Variants in GLB1L2 observed in about 807,000 individuals in gnomAD.
GLB1L2 encodes the protein galactosidase beta 1 like 2.
In GLB1L2, 68 loss-of-function variants were observed where a neutral mutation model predicts 84.1. The observed-to-expected ratio is 0.81, with a 90% CI of 0.67 to 0.99. GLB1L2 has a LOEUF of 0.99. Among genes scored for constraint, GLB1L2 ranks in the 50% least tolerant of loss-of-function variants. The probability of loss-of-function intolerance (pLI) is 0.00; values close to 1 mark genes in which losing one functional copy is unlikely to be tolerated. For synonymous variants in GLB1L2, 290 were observed against 318.0 expected (o/e 0.91, Z 0.94); for missense variants, 762 against 805.6 (o/e 0.95, Z 0.66).
Position 134,342,955 on chromosome 11 carries a change from G to C in GLB1L2, c.284+4G>C. On this transcript the variant is annotated splice_donor_region_variant and intron_variant, in intron 2 of 18. Coordinates refer to ENST00000535456, the MANE Select transcript of GLB1L2 (RefSeq NM_001370461.1). The stretch of plus-strand genomic sequence containing the variant: ...GTGGCTTGAACACCCTCACCACGTA[G>C]GTGCTGCCCCTGTCCCCCCGGAGCC... The C allele has an allele frequency of 6.2e-7, 1 of 1,605,626 alleles. No homozygotes were observed.
chr11:134,348,453 A>G (rs543395902), intron 5 of GLB1L2, among the ~76,000 whole-genome samples: 10 of 152,308 alleles, frequency 6.6e-5, no homozygotes, highest in Non-Finnish European at 1.2e-4. Flanking sequence ...GGGCAGCAGG[A>G]TGGCCGTCCT....
At chr11:134,348,827 C>A (rs1299715380) in intron 5 of GLB1L2, among the ~76,000 whole-genome samples, 2 of 152,080 alleles carry the variant, frequency 1.3e-5, no homozygotes, top group East Asian at 3.9e-4. Context: ...CTGGAAGGGC[C>A]CCCTTCCAGG....
rs367790049 is a variant in GLB1L2 at position 134,351,345 on chromosome 11, C to CTTTTTTTTTTTTT, written c.558+3917_558+3929dup. Among the ~76,000 whole-genome samples the CTTTTTTTTTTTTT allele has an allele frequency of 3.9e-5, 5 of 129,136 alleles. No homozygotes were observed. In the East Asian group the frequency reaches 9.4e-4, roughly 24 times the overall value. The allele number at this position is 129,136 out of a possible 152,430, so 84.7% of individuals were successfully genotyped here. ...TTACATTGATTGATTCTTTTTCTTT[C>CTTTTTTTTTTTTT]TTTTTTTTTTTTTTTTTGAGATGGT... is the stretch of plus-strand genomic sequence containing the variant. On this transcript the variant is annotated intron_variant, in intron 5 of 18. Transcript: ENST00000535456.
chr11:134,362,754 GC>G (rs1486831037), intron 7 of GLB1L2, among the ~76,000 whole-genome samples: 1 of 152,340 alleles, frequency 6.6e-6, no homozygotes, highest in South Asian at 2.1e-4. Context: ...AGGCAGGATG[GC>G]CCCCGAGGAG....
chr11:134,349,415 C>T (rs976725150), intron 5 of GLB1L2, among the ~76,000 whole-genome samples: 3 of 152,172 alleles, frequency 2.0e-5, no homozygotes, highest in Non-Finnish European at 4.4e-5. Context: ...TGTACAAATA[C>T]CTTTCTGAGC....
At chr11:134,358,225 G>A (rs1294837617) in intron 6 of GLB1L2, among the ~76,000 whole-genome samples, 1 of 152,230 alleles carries the variant, frequency 6.6e-6, no homozygotes, top group Non-Finnish European at 1.5e-5. Context: ...TGGGATTTTT[G>A]ATCCAAAAGA....
At chr11:134,354,258 T>C (rs1943673828) in intron 5 of GLB1L2, among the ~76,000 whole-genome samples, 1 of 152,012 alleles carries the variant, frequency 6.6e-6, no homozygotes, top group South Asian at 2.1e-4. Flanking sequence ...GATACCAACC[T>C]AACTTCAACT....
rs181802853 is a variant in GLB1L2, at chr11:134,363,324, G to A, written c.734-1004G>A. Among the ~76,000 whole-genome samples the A allele has an allele frequency of 3.9e-3, 599 of 152,364 alleles. 10 individuals are homozygous for A. The highest frequency in any genetic ancestry group is 0.035 in the Admixed American group (539 of 15,308). On this transcript the variant is annotated intron_variant, in intron 7 of 18. Transcript: ENST00000535456. ...CCCCGGAGCCCCAGCTGTCGCTTGCGTTCCTTCACTGGCAATCAGAGGCTT... is the reference window on the plus strand; with the variant it reads ...CCCCGGAGCCCCAGCTGTCGCTTGCATTCCTTCACTGGCAATCAGAGGCTT...
intron 1 of GLB1L2, among the ~76,000 whole-genome samples, chr11:134,342,070 G>C (rs1256066708): frequency 1.3e-5 from 2 of 151,754 alleles, no homozygotes; most frequent in Non-Finnish European, 1.5e-5. Flanking sequence ...CACGGCTTTC[G>C]GGAGACAGGG....
rs145889736 is a variant in GLB1L2 at position 134,349,780 on chromosome 11, T to C, written c.558+2347T>C. Among the ~76,000 whole-genome samples, 358 of 152,352 alleles carry C rather than the reference T, an allele frequency of 2.3e-3. 4 individuals carry two copies. The highest frequency in any genetic ancestry group is 8.1e-3 in the African/African-American group (338 of 41,574). On this transcript the variant is annotated intron_variant, in intron 5 of 18. Transcript: ENST00000535456. ...CTGCTCATTTTTGAATCTAGTTGTT[T>C]GTTTTTATGTTGTTGATTATAGGAA...
chr11:134,369,451 T>C (rs1376568318), intron 10 of GLB1L2, among the ~76,000 whole-genome samples: 1 of 143,934 alleles, frequency 6.9e-6, no homozygotes, highest in Non-Finnish European at 1.5e-5. Context: ...TGCCTTGGCC[T>C]CCCAAAGTGC....
intron 1 of GLB1L2, among the ~76,000 whole-genome samples, chr11:134,340,892 G>C (rs1943452241): frequency 6.6e-6 from 1 of 152,162 alleles, no homozygotes; most frequent in Non-Finnish European, 1.5e-5. Flanking sequence ...TCCTCAGCTT[G>C]CAGGCTGCAC....
chr11:134,345,086 G>A lies in GLB1L2; in HGVS notation c.406G>A (p.Gly136Ser), dbSNP rs1433489896. ...CGGGCTGTGGGTGATTCTGCGTCCAGGCCCCTACATCTGCAGTGAGATGGA... is the reference window on the plus strand; with the variant it reads ...CGGGCTGTGGGTGATTCTGCGTCCAAGCCCCTACATCTGCAGTGAGATGGA... ...EIGLWVILRP[G>S]PYICSEMDLG... The change falls in exon 4 of 19, where the codon GGC (glycine) becomes AGC (serine). Residue 136 changes from glycine to serine, a missense_variant. Physicochemically the swap from Gly to Ser is moderately conservative, Grantham distance 56. This residue lies in a region of GLB1L2 where 59 missense variants were observed against 105.1 expected (regional missense o/e 0.56). Coordinates refer to ENST00000535456, the MANE Select transcript of GLB1L2 (RefSeq NM_001370461.1). 11 of 1,613,636 alleles carry A rather than the reference G, an allele frequency of 6.8e-6. No homozygotes were observed. Among genetic ancestry groups the A allele is most frequent in the South Asian group, 6.6e-5 (6 of 90,976 alleles).
At position 134,374,139 on chromosome 11, in the gene GLB1L2, C is replaced by T; in HGVS notation, c.1596-6C>T. The stretch of plus-strand genomic sequence containing the variant: ...CTCCCTCTCCTTCTCTGTGTTCTGT[C>T]CTTAGGTTCGGCCTGGACAAATGGA... On this transcript the variant is annotated splice_region_variant and splice_polypyrimidine_tract_variant and intron_variant, in intron 16 of 18. Transcript: ENST00000535456. 6.2e-7 allele frequency: 1 copy of T among 1,602,948 alleles called. No individual in the cohort carries two copies. Among genetic ancestry groups the T allele is most frequent in the Non-Finnish European group, 8.5e-7 (1 of 1,169,902 alleles).
intron 9 of GLB1L2, 52 bp from the exon 10 acceptor site, chr11:134,368,592 C>T (rs1317843990): frequency 5.0e-6 from 8 of 1,603,106 alleles, no homozygotes; most frequent in Admixed American, 3.3e-5. Context: ...GACCCCGGCT[C>T]ATCTCAGACT....
chr11:134,344,372 T>C lies in GLB1L2; in HGVS notation c.285-15T>C, dbSNP rs775365278. 1.9e-6 allele frequency: 3 copies of C among 1,613,860 alleles called. No homozygotes were observed. Among genetic ancestry groups the C allele is most frequent in the Non-Finnish European group, 2.5e-6 (3 of 1,179,912 alleles). ...AATGACATGCTCTAGCCTATAATTA[T>C]CATTTCTGTTGCAGCTATGTTCCGT... On this transcript the variant is annotated splice_polypyrimidine_tract_variant and intron_variant, in intron 2 of 18. Transcript: ENST00000535456.
intron 6 of GLB1L2, among the ~76,000 whole-genome samples, chr11:134,358,421 C>T (rs1019053995): frequency 9.9e-5 from 15 of 152,264 alleles, no homozygotes; most frequent in East Asian, 1.9e-4. Flanking sequence ...GACTGCTCTG[C>T]GGATGTCAGG....
chr11:134,342,207 G>A (rs1001429946), intron 1 of GLB1L2, among the ~76,000 whole-genome samples: 4 of 152,088 alleles, frequency 2.6e-5, no homozygotes, highest in Non-Finnish European at 5.9e-5. Context: ...CCTTCCCGTG[G>A]GGGACTCTGC....
At chr11:134,371,698 TG>T in intron 14 of GLB1L2, 53 bp from the exon 15 acceptor site, 1 of 1,576,348 alleles carries the variant, frequency 6.3e-7, no homozygotes, top group Non-Finnish European at 8.7e-7. Flanking sequence ...AAGCAAATTC[TG>T]AGGGGCAGCT....
Sources: allele counts gnomAD v4.1 joint callset (sites outside exome capture counted in the v4.1 genomes callset), GRCh38; gene constraint gnomAD v4.1.1; regional missense constraint gnomAD v4.1.1; transcripts MANE v1.5; gene names NCBI Gene and HGNC (gene_info 2026-07-23, HGNC 2026-07-21).